Variants in MSRA observed in about 807,000 individuals in gnomAD.
MSRA encodes mitochondrial peptide methionine sulfoxide reductase.
MSRA carries 54 observed loss-of-function variants against 31.3 expected under a neutral mutation model. The ratio of observed to expected loss-of-function variants is 1.73; its 90% CI spans 1.39 to 2.17. MSRA has a LOEUF of 2.17. Ranked by LOEUF, MSRA falls within the 30% of genes most tolerant of loss-of-function variation. The probability of loss-of-function intolerance (pLI) is 0.00; values close to 1 mark genes in which losing one functional copy is unlikely to be tolerated. For missense variants in MSRA, 507 were observed against 300.9 expected, an observed-to-expected ratio of 1.69 and a Z score of -5.07; for synonymous variants, 169 against 116.5, an observed-to-expected ratio of 1.45 and a Z score of -2.90.
At position 10,393,725 on chromosome 8, in the gene MSRA, C is replaced by T. The variant is rs535403715; in HGVS notation, c.544-34423C>T. ...GACCTGCACACGGGCAGCTTGTGCC[C>T]CAAGTAATGGAGTCAGCACGTGGTT... On this transcript the variant is annotated intron_variant, in intron 5 of 5. Coordinates refer to ENST00000317173, the MANE Select transcript of MSRA (RefSeq NM_012331.5). Among the ~76,000 whole-genome samples the T allele has an allele frequency of 1.8e-4, 27 of 152,222 alleles. 1 individual carries two copies. The East Asian group carries it at 5.0e-3, about 28-fold the overall frequency.
chr8:10,359,473 G>T (rs148260683), intron 5 of MSRA, among the ~76,000 whole-genome samples: 1 of 152,124 alleles, frequency 6.6e-6, no homozygotes, highest in East Asian at 1.9e-4. Context: ...GTAATATGCT[G>T]CATATTTTAT....
chr8:10,194,296 A>C (rs996756950), intron 1 of MSRA, among the ~76,000 whole-genome samples: 1 of 152,144 alleles, frequency 6.6e-6, no homozygotes, highest in Non-Finnish European at 1.5e-5. Context: ...GCTAGCCTCC[A>C]TGGCTCCTGC....
chr8:10,262,492 C>G (rs1214137961), intron 3 of MSRA, among the ~76,000 whole-genome samples: 2 of 152,004 alleles, frequency 1.3e-5, no homozygotes, highest in African/African-American at 4.8e-5. Context: ...AGTATGTTTT[C>G]TTATGCTTAT....
intron 5 of MSRA, among the ~76,000 whole-genome samples, chr8:10,329,519 CT>C: frequency 6.6e-6 from 1 of 152,348 alleles, no homozygotes; most frequent in East Asian, 1.9e-4. Flanking sequence ...CTCAACCCCC[CT>C]TATTTAGTTA....
chr8:10,427,729 T>G (rs1265904737), intron 5 of MSRA, among the ~76,000 whole-genome samples: 1 of 152,150 alleles, frequency 6.6e-6, no homozygotes, highest in Non-Finnish European at 1.5e-5. Context: ...CCTCCCACTG[T>G]GGCCCTGCTG....
intron 5 of MSRA, among the ~76,000 whole-genome samples, chr8:10,327,027 T>C (rs746456328): frequency 1.1e-4 from 16 of 152,236 alleles, no homozygotes; most frequent in Non-Finnish European, 1.8e-4. Flanking sequence ...TGGCTCCTTC[T>C]GCCAGCTCTT....
chr8:10,269,471 T>G (rs1418511782), intron 3 of MSRA, among the ~76,000 whole-genome samples: 1 of 152,212 alleles, frequency 6.6e-6, no homozygotes, highest in Admixed American at 6.5e-5. Context: ...CACTGTTAAT[T>G]CTTTGAATTT....
chr8:10,336,136 G>A (rs1242081705), intron 5 of MSRA, among the ~76,000 whole-genome samples: 1 of 152,154 alleles, frequency 6.6e-6, no homozygotes, highest in Non-Finnish European at 1.5e-5. Context: ...TGTCACTAGT[G>A]TTTAATTTGT....
At chr8:10,247,642 A>G (rs1478543737) in intron 3 of MSRA, among the ~76,000 whole-genome samples, 1 of 152,208 alleles carries the variant, frequency 6.6e-6, no homozygotes, top group Non-Finnish European at 1.5e-5. Context: ...TCGATTGGAT[A>G]TGAACACTAC....
chr8:10,280,845 T>C (rs1220676458), intron 3 of MSRA, among the ~76,000 whole-genome samples: 1 of 152,226 alleles, frequency 6.6e-6, no homozygotes, highest in East Asian at 1.9e-4. Flanking sequence ...GAACTACTAA[T>C]GCACACAACA....
Position 10,152,466 on chromosome 8 carries a change from C to G in MSRA, c.143-55367C>G, listed in dbSNP as rs1191937339. ...TGGGCAGGAAGATGACTCACTAGAT[C>G]TGAATCACAAGGCAATTAAGAGCCC... On this transcript the variant is annotated intron_variant, in intron 1 of 5. Transcript: ENST00000317173. Among the ~76,000 whole-genome samples the G allele has an allele frequency of 3.3e-5, 5 of 152,194 alleles. No individual in the cohort carries two copies. In the East Asian group the frequency reaches 7.7e-4, roughly 24 times the overall value.
At chr8:10,301,469 A>G in intron 3 of MSRA, 65 bp from the exon 4 acceptor site, 1 of 1,286,956 alleles carries the variant, frequency 7.8e-7, no homozygotes. Context: ...TTTTTTGTGA[A>G]CAAAAAACTT....
At chr8:10,207,756 T>C in intron 1 of MSRA, 77 bp from the exon 2 acceptor site, 1 of 1,320,842 alleles carries the variant, frequency 7.6e-7, no homozygotes. Context: ...ATAGGCTCAT[T>C]GACACATTTA....
At chr8:10,138,530 T>G (rs1457696851) in intron 1 of MSRA, among the ~76,000 whole-genome samples, 1 of 152,232 alleles carries the variant, frequency 6.6e-6, no homozygotes, top group African/African-American at 2.4e-5. Context: ...TGTCTCTACT[T>G]CTCAAATATG....
chr8:10,261,921 C>T (rs767002781), intron 3 of MSRA, among the ~76,000 whole-genome samples: 19 of 152,334 alleles, frequency 1.2e-4, no homozygotes, highest in South Asian at 4.1e-4. Flanking sequence ...GATAGTTCCG[C>T]CTTTTCCAGA....
chr8:10,203,558 A>G (rs1001072379), intron 1 of MSRA, among the ~76,000 whole-genome samples: 4 of 152,228 alleles, frequency 2.6e-5, no homozygotes, highest in African/African-American at 7.2e-5. Context: ...TTATTCATGT[A>G]TTTTTGGTCA....
intron 1 of MSRA, among the ~76,000 whole-genome samples, chr8:10,098,348 C>A (rs1242517836): frequency 6.6e-6 from 1 of 151,938 alleles, no homozygotes; most frequent in African/African-American, 2.4e-5. Flanking sequence ...TTATTAAATT[C>A]CATTTTGATG....
chr8:10,211,258 G>T (rs1298282341), intron 2 of MSRA, among the ~76,000 whole-genome samples: 1 of 152,174 alleles, frequency 6.6e-6, no homozygotes, highest in Non-Finnish European at 1.5e-5. Flanking sequence ...TCAGAGAATA[G>T]ATAGATGATT....
intron 5 of MSRA, among the ~76,000 whole-genome samples, chr8:10,388,613 A>G (rs7822092): frequency 1 from 151,970 of 152,274 alleles, 75,835 homozygotes; most frequent in Middle Eastern, 1. Context: ...GGAGGCCAAG[A>G]AACCTGCTCA....
Sources: allele counts gnomAD v4.1 joint callset (sites outside exome capture counted in the v4.1 genomes callset), GRCh38; gene constraint gnomAD v4.1.1; transcripts MANE v1.5; gene names NCBI Gene and HGNC (gene_info 2026-07-23, HGNC 2026-07-21).